GALNTL6: variants seen among roughly 807,000 people sequenced by gnomAD.
The protein encoded by GALNTL6 is polypeptide N-acetylgalactosaminyltransferase-like 6.
Under a neutral mutation model 73.7 loss-of-function variants are expected in GALNTL6, and 46 were observed. That is an observed-to-expected ratio of 0.62 (90% CI 0.49 to 0.80). GALNTL6 has a LOEUF of 0.80. GALNTL6 is among the 30% of genes least tolerant of loss of function. The probability of loss-of-function intolerance (pLI) is 0.00; values close to 1 mark genes in which losing one functional copy is unlikely to be tolerated. For synonymous variants in GALNTL6, 259 were observed against 263.7 expected, an observed-to-expected ratio of 0.98 and a Z score of 0.17; for missense variants, 604 against 755.0, an observed-to-expected ratio of 0.80 and a Z score of 2.34.
chr4:172,634,819 A>G (rs1739587392), intron 5 of GALNTL6, among the ~76,000 whole-genome samples: 1 of 152,228 alleles, frequency 6.6e-6, no homozygotes. Flanking sequence ...TTAATCATGT[A>G]GTCAATATAA....
intron 2 of GALNTL6, among the ~76,000 whole-genome samples, chr4:172,171,196 G>A (rs373317254): frequency 4.8e-4 from 73 of 152,220 alleles, no homozygotes; most frequent in African/African-American, 1.6e-3. Context: ...ATAACCTCAC[G>A]GAAGAAGCAT....
intron 5 of GALNTL6, among the ~76,000 whole-genome samples, chr4:172,534,818 G>T (rs1265245858): frequency 6.6e-6 from 1 of 152,036 alleles, no homozygotes; most frequent in Non-Finnish European, 1.5e-5. Context: ...TGCCCACCTC[G>T]GCCTCCCAAA....
At chr4:172,193,987 A>T (rs1735667991) in intron 2 of GALNTL6, among the ~76,000 whole-genome samples, 1 of 152,216 alleles carries the variant, frequency 6.6e-6, no homozygotes, top group Non-Finnish European at 1.5e-5. Context: ...AGAAGCTGAG[A>T]TGGATGAATT....
chr4:172,649,728 A>G (rs1196425452), intron 5 of GALNTL6, among the ~76,000 whole-genome samples: 1 of 151,730 alleles, frequency 6.6e-6, no homozygotes, highest in African/African-American at 2.4e-5. Flanking sequence ...TGATTATTTC[A>G]CATTTATTGC....
chr4:172,099,900 T>C (rs959481772), intron 2 of GALNTL6, among the ~76,000 whole-genome samples: 2 of 152,094 alleles, frequency 1.3e-5, no homozygotes, highest in African/African-American at 4.8e-5. Flanking sequence ...ACCCTAATGA[T>C]TGTTAACAGG....
In GALNTL6 at chr4:173,015,125, A is replaced by G. The variant is rs151024262; in HGVS notation, c.1488+5831A>G. Among the ~76,000 whole-genome samples, 1,202 of 152,254 alleles carry G rather than the reference A, an allele frequency of 7.9e-3. 7 individuals are homozygous for G. Among genetic ancestry groups the G allele is most frequent in the South Asian group, 0.034 (162 of 4,822 alleles). On this transcript the variant is annotated intron_variant, in intron 11 of 12. Transcript: ENST00000506823. ...TGTGTTTGCTTCCTCTTCTGCCATGATTGTAAGTTTCCTGAGGCCTTCCCA... is the reference window on the plus strand; with the variant it reads ...TGTGTTTGCTTCCTCTTCTGCCATGGTTGTAAGTTTCCTGAGGCCTTCCCA...
chr4:171,899,812 G>A (rs540535316), intron 2 of GALNTL6, among the ~76,000 whole-genome samples: 64 of 152,198 alleles, frequency 4.2e-4, no homozygotes, highest in African/African-American at 1.4e-3. Context: ...CTTATTGCAG[G>A]TCTTTCTTAA....
At chr4:172,788,690 A>T (rs576466464) in intron 5 of GALNTL6, among the ~76,000 whole-genome samples, 115 of 151,380 alleles carry the variant, frequency 7.6e-4, no homozygotes, top group African/African-American at 2.7e-3. Context: ...AAAAAAAAAA[A>T]AGATAGATAG....
chr4:172,596,762 G>A (rs895395130), intron 5 of GALNTL6, among the ~76,000 whole-genome samples: 6 of 151,942 alleles, frequency 3.9e-5, no homozygotes, highest in African/African-American at 1.5e-4. Flanking sequence ...GTACAATATT[G>A]TATATACACA....
At chr4:172,929,646 T>A (rs886391055) in intron 8 of GALNTL6, among the ~76,000 whole-genome samples, 1 of 152,114 alleles carries the variant, frequency 6.6e-6, no homozygotes, top group Non-Finnish European at 1.5e-5. Context: ...GGAAGGTAAT[T>A]CACTTTACTC....
chr4:172,516,228 A>G (rs1734602979), intron 5 of GALNTL6, among the ~76,000 whole-genome samples: 1 of 152,190 alleles, frequency 6.6e-6, no homozygotes, highest in Non-Finnish European at 1.5e-5. Flanking sequence ...TGTAAAAAAC[A>G]TCTATTTCTG....
At chr4:172,901,840 T>C (rs1746646713) in intron 8 of GALNTL6, among the ~76,000 whole-genome samples, 1 of 152,202 alleles carries the variant, frequency 6.6e-6, no homozygotes, top group Non-Finnish European at 1.5e-5. Context: ...GTCTACCCTG[T>C]AGAATTTTCA....
At chr4:172,658,110 A>G (rs1390066213) in intron 5 of GALNTL6, among the ~76,000 whole-genome samples, 1 of 102,998 alleles carries the variant, frequency 9.7e-6, no homozygotes, top group Non-Finnish European at 1.8e-5. Flanking sequence ...AGATCCCGCC[A>G]CTGCACTCCA....
intron 2 of GALNTL6, among the ~76,000 whole-genome samples, chr4:171,991,178 A>G (rs1276182436): frequency 6.6e-6 from 1 of 152,168 alleles, no homozygotes; most frequent in Non-Finnish European, 1.5e-5. Context: ...ACAACAACAA[A>G]AGACATTGGA....
At chr4:172,139,168 G>A (rs1011030425) in intron 2 of GALNTL6, among the ~76,000 whole-genome samples, 2 of 152,088 alleles carry the variant, frequency 1.3e-5, no homozygotes, top group South Asian at 4.1e-4. Context: ...AAGTATATAA[G>A]TTTGGAAAAT....
intron 2 of GALNTL6, among the ~76,000 whole-genome samples, chr4:172,049,021 T>A (rs1730740119): frequency 6.6e-6 from 1 of 152,160 alleles, no homozygotes; most frequent in African/African-American, 2.4e-5. Context: ...AGTAACGCAA[T>A]TTGTTTCTTA....
At chr4:172,353,550 C>T (rs1742039269) in intron 5 of GALNTL6, among the ~76,000 whole-genome samples, 1 of 152,004 alleles carries the variant, frequency 6.6e-6, no homozygotes, top group South Asian at 2.1e-4. Context: ...TTCTTGTGAA[C>T]TCATTTTATA....
At chr4:172,998,647 C>T (rs1751902688) in intron 10 of GALNTL6, among the ~76,000 whole-genome samples, 1 of 152,040 alleles carries the variant, frequency 6.6e-6, no homozygotes, top group Non-Finnish European at 1.5e-5. Context: ...TCCTTATTGC[C>T]AAATCCAACA....
At chr4:171,827,829 T>C (rs1020872775) in intron 2 of GALNTL6, among the ~76,000 whole-genome samples, 3 of 152,090 alleles carry the variant, frequency 2.0e-5, no homozygotes, top group Non-Finnish European at 2.9e-5. Context: ...TAAACATAGG[T>C]TTGAACTGCA....
Sources: allele counts gnomAD v4.1 joint callset (sites outside exome capture counted in the v4.1 genomes callset), GRCh38; gene constraint gnomAD v4.1.1; transcripts MANE v1.5; gene names NCBI Gene and HGNC (gene_info 2026-07-23, HGNC 2026-07-21).